The following RIMS1 variants were observed in gnomAD, a reference collection of about 807,000 sequenced individuals.
RIMS1 encodes the protein regulating synaptic membrane exocytosis protein 1.
In RIMS1, 83 loss-of-function variants were observed where a neutral mutation model predicts 214.1. That is an observed-to-expected ratio of 0.39 (90% CI 0.32 to 0.47). RIMS1 has a LOEUF of 0.47. RIMS1 is among the 20% of genes least tolerant of loss of function. The pLI is 0.99. For missense variants in RIMS1, 2,050 were observed against 2,161.8 expected, an observed-to-expected ratio of 0.95 and a Z score of 1.03; for synonymous variants, 793 against 786.8, an observed-to-expected ratio of 1.01 and a Z score of -0.13.
chr6:72,098,289 C>CTTTTTTTTTTTTTTTT (rs58934201), intron 3 of RIMS1, among the ~76,000 whole-genome samples: 1 of 143,346 alleles, frequency 7.0e-6, no homozygotes, highest in African/African-American at 2.6e-5. Flanking sequence ...ATCAATATAT[C>CTTTTTTTTTTTTTTTT]TTTTTTTTTT....
At chr6:72,249,616 T>TA (rs1382024738) in intron 12 of RIMS1, among the ~76,000 whole-genome samples, 1 of 151,994 alleles carries the variant, frequency 6.6e-6, no homozygotes, top group Non-Finnish European at 1.5e-5. Context: ...ACAAAAAATT[T>TA]AAAAAACTGG....
chr6:72,383,574 G>T, intron 29 of RIMS1, among the ~76,000 whole-genome samples: 1 of 125,904 alleles, frequency 7.9e-6, no homozygotes, highest in African/African-American at 3.1e-5. Context: ...AGGGGTTGAA[G>T]ACCAGCCTGG....
At chr6:71,939,050 A>G (rs1785279185) in intron 1 of RIMS1, among the ~76,000 whole-genome samples, 3 of 152,106 alleles carry the variant, frequency 2.0e-5, no homozygotes, top group South Asian at 2.1e-4. Context: ...CTGTTTAGGT[A>G]TTTCTTCTAT....
In RIMS1 at chr6:72,401,111, GAT is replaced by G; in HGVS notation, c.*398_*399del. ...AGACCACAAGCAGTGTTATTTCCCT[GAT>G]GTTTGAGTTGTTTTGTTCTTTTGTG... On this transcript the variant is annotated 3_prime_UTR_variant, in exon 34 of 34. Coordinates refer to ENST00000521978, the MANE Select transcript of RIMS1 (RefSeq NM_014989.7). The G allele has an allele frequency of 6.2e-6, 1 of 160,008 alleles. No individual in the cohort carries two copies. Among genetic ancestry groups the G allele is most frequent in the South Asian group, 2.0e-4 (1 of 5,122 alleles). The allele number at this position is 160,008 out of a possible 1,614,324, so 9.9% of individuals were successfully genotyped here. A position where few individuals can be genotyped will look rare whatever the true frequency, so the allele number is the denominator to read the frequency against.
chr6:72,133,230 CTT>C (rs55723782), intron 4 of RIMS1, among the ~76,000 whole-genome samples: 30,657 of 144,124 alleles, frequency 0.21, 3,763 homozygotes, highest in Non-Finnish European at 0.27. Flanking sequence ...TCTTTTCTCT[CTT>C]TTTTTTTTTT....
intron 2 of RIMS1, among the ~76,000 whole-genome samples, chr6:72,087,110 C>T (rs549621284): frequency 6.1e-4 from 92 of 152,036 alleles, no homozygotes; most frequent in African/African-American, 1.7e-3. Context: ...ATAAAATGAG[C>T]GAGACAGACA....
intron 2 of RIMS1, among the ~76,000 whole-genome samples, chr6:72,005,745 C>G (rs139877171): frequency 5.1e-4 from 77 of 152,294 alleles, no homozygotes; most frequent in African/African-American, 1.8e-3. Flanking sequence ...CTCTTCTGAG[C>G]TTCATACTAG....
rs181664025 is a variant in RIMS1, at chr6:72,152,721, T to A, written c.472-26854T>A. ...TGGAATATATGTATATATATGTGAATATATATATATGGAATATATGTATAT... is the reference window on the plus strand; with the variant it reads ...TGGAATATATGTATATATATGTGAAAATATATATATGGAATATATGTATAT... On this transcript the variant is annotated intron_variant, in intron 4 of 33. Coordinates refer to ENST00000521978, the MANE Select transcript of RIMS1 (RefSeq NM_014989.7). 1.9e-4 allele frequency among the ~76,000 whole-genome samples: 27 copies of A among 142,490 alleles called. No individual in the cohort carries two copies. In the East Asian group the frequency reaches 5.0e-3, roughly 26 times the overall value. The allele number at this position is 142,490 out of a possible 152,430, so 93.5% of individuals were successfully genotyped here.
chr6:72,212,488 A>G (rs917328629), intron 6 of RIMS1, among the ~76,000 whole-genome samples: 4 of 152,194 alleles, frequency 2.6e-5, no homozygotes, highest in Non-Finnish European at 5.9e-5. Flanking sequence ...AAGAAGAAAC[A>G]AAAGTGTATT....
chr6:72,295,313 A>AT (rs1387837082), intron 26 of RIMS1, among the ~76,000 whole-genome samples: 19 of 151,852 alleles, frequency 1.3e-4, no homozygotes, highest in Non-Finnish European at 2.4e-4. Flanking sequence ...AAAACAACTA[A>AT]TTTTACTTTG....
intron 1 of RIMS1, among the ~76,000 whole-genome samples, chr6:71,917,972 G>A (rs1170467118): frequency 6.6e-6 from 1 of 152,086 alleles, no homozygotes; most frequent in Non-Finnish European, 1.5e-5. Context: ...CCAATTGATG[G>A]GTGGCATTTT....
chr6:72,174,120 T>C (rs751600042), intron 4 of RIMS1, among the ~76,000 whole-genome samples: 5 of 152,240 alleles, frequency 3.3e-5, no homozygotes, highest in Non-Finnish European at 7.3e-5. Flanking sequence ...GTTACGGCCC[T>C]CCTCCATCTG....
chr6:72,197,866 G>C (rs967090886), intron 6 of RIMS1, among the ~76,000 whole-genome samples: 1 of 152,064 alleles, frequency 6.6e-6, no homozygotes, highest in African/African-American at 2.4e-5. Flanking sequence ...TGAAACATAA[G>C]AGGAACTCCA....
chr6:72,234,296 T>C (rs560564296), intron 7 of RIMS1, among the ~76,000 whole-genome samples: 1 of 152,012 alleles, frequency 6.6e-6, no homozygotes, highest in African/African-American at 2.4e-5. Context: ...CTGAAATAAT[T>C]TCCTCTAGAG....
chr6:71,939,420 T>C (rs536704017), intron 1 of RIMS1, among the ~76,000 whole-genome samples: 53 of 152,328 alleles, frequency 3.5e-4, no homozygotes, highest in African/African-American at 1.2e-3. Context: ...CAAAGCTGCT[T>C]CCACATTTTC....
intron 29 of RIMS1, among the ~76,000 whole-genome samples, chr6:72,384,055 T>C (rs1032243575): frequency 6.6e-6 from 1 of 152,166 alleles, no homozygotes; most frequent in Admixed American, 6.5e-5. Flanking sequence ...TCCAGTTCCA[T>C]CAGAGACTGC....
rs1797648042 is a variant in RIMS1, at chr6:71,978,255, C to G, written c.245+9192C>G. 1.3e-5 allele frequency among the ~76,000 whole-genome samples: 2 copies of G among 152,130 alleles called. 1 individual carries two copies. Among genetic ancestry groups the G allele is most frequent in the African/African-American group, 4.8e-5 (2 of 41,438 alleles). On this transcript the variant is annotated intron_variant, in intron 2 of 33. Transcript: ENST00000521978. ...CATCCTACTATGGATGCAATTGTATCTTAAATGGTATCTATTGTTGAATAC... is the reference window on the plus strand; with the variant it reads ...CATCCTACTATGGATGCAATTGTATGTTAAATGGTATCTATTGTTGAATAC...
rs1202505623 is a variant in RIMS1 at position 72,398,281 on chromosome 6, G to A, written c.4651G>A (p.Gly1551Ser). The A allele has an allele frequency of 2.5e-6, 4 of 1,608,786 alleles. No homozygotes were observed. Among genetic ancestry groups the A allele is most frequent in the Non-Finnish European group, 3.4e-6 (4 of 1,177,602 alleles). Residue 1551 changes from glycine (G) to serine (S), a missense_variant, in exon 32 of 34, where the codon GGC becomes AGC. By Grantham distance (56) the Gly-to-Ser change is moderately conservative. Coordinates refer to ENST00000521978, the MANE Select transcript of RIMS1 (RefSeq NM_014989.7). ...ACAAATAGGAATGGAGGACAAAAAG[G>A]GCCAATTAGAAGTGGAAGTCATTAG... is the stretch of plus-strand genomic sequence containing the variant. ...DIQIGMEDKK[G>S]QLEVEVIRAR... is the part of the protein sequence containing the mutation.
intron 3 of RIMS1, among the ~76,000 whole-genome samples, chr6:72,099,134 A>G (rs2032853740): frequency 1.3e-5 from 2 of 152,218 alleles, no homozygotes; most frequent in African/African-American, 4.8e-5. Flanking sequence ...CAACTGTTAA[A>G]TGCTTTTAAC....
Sources: allele counts gnomAD v4.1 joint callset (sites outside exome capture counted in the v4.1 genomes callset), GRCh38; gene constraint gnomAD v4.1.1; transcripts MANE v1.5; gene names NCBI Gene and HGNC (gene_info 2026-07-23, HGNC 2026-07-21).